Variants in DNAH17 observed in about 807,000 individuals in gnomAD.
DNAH17 encodes axonemal beta dynein heavy chain 17.
In DNAH17, 376 loss-of-function variants were observed where a neutral mutation model predicts 485.6. That is an observed-to-expected ratio of 0.77 (90% CI 0.71 to 0.84). DNAH17 has a LOEUF of 0.84. Among genes scored for constraint, DNAH17 ranks in the 40% least tolerant of loss-of-function variants. DNAH17 has a pLI of 0.00. For synonymous variants in DNAH17, 3,031 were observed against 2,405.9 expected (o/e 1.26, Z -7.60); for missense variants, 6,370 against 5,839.3 (o/e 1.09, Z -2.96).
intron 48 of DNAH17, among the ~76,000 whole-genome samples, chr17:78,482,681 C>T (rs977630297): frequency 1.3e-5 from 2 of 152,180 alleles, no homozygotes; most frequent in African/African-American, 2.4e-5. Flanking sequence ...ATCCTTCCCA[C>T]GGGCCCCACC....
At chr17:78,551,187 G>A (rs975522291) in intron 16 of DNAH17, among the ~76,000 whole-genome samples, 3 of 152,232 alleles carry the variant, frequency 2.0e-5, no homozygotes, top group Non-Finnish European at 4.4e-5. Context: ...TCCGGAAGGA[G>A]CTTGAGTTAG....
At position 78,500,401 on chromosome 17, in the gene DNAH17, G is replaced by A. The variant is rs189854529; in HGVS notation, c.5544C>T (p.Pro1848=). 89 of 1,610,728 alleles carry A rather than the reference G, an allele frequency of 5.5e-5. No homozygotes were observed. The African/African-American group carries it at 6.8e-4, about 12-fold the overall frequency. The change falls in exon 36 of 81, where the codon CCC becomes CCT. Residue 1848 remains proline, a synonymous_variant. Coordinates refer to ENST00000389840, the MANE Select transcript of DNAH17 (RefSeq NM_173628.4). ...HLIMGGAPAG[P]AGTGKTETTK... ...TCGTCTCAGTCTTGCCGGTCCCAGC[G>A]GGGCCGGCAGGGGCTCCACCCATGA... is the stretch of plus-strand genomic sequence containing the variant.
rs760263261 is a variant in DNAH17, at chr17:78,565,503, T to C, written c.1569+1111A>G. ...AGCAATCTCAGCCTTGAAATCCTCC[T>C]GAAAGATGACCACCAGCCCAGGCTG... On this transcript the variant is annotated intron_variant, in intron 11 of 80. Transcript: ENST00000389840. 2.4e-4 allele frequency among the ~76,000 whole-genome samples: 36 copies of C among 152,206 alleles called. 1 individual carries two copies. The highest frequency in any genetic ancestry group is 1.5e-4 in the Non-Finnish European group (10 of 68,032).
chr17:78,510,521 T>A lies in DNAH17; in HGVS notation c.4114-15A>T, dbSNP rs995581224. 11 of 1,613,380 alleles carry A rather than the reference T, an allele frequency of 6.8e-6. No homozygotes were observed. The highest frequency in any genetic ancestry group is 1.7e-5 in the Admixed American group (1 of 60,014). On this transcript the variant is annotated splice_polypyrimidine_tract_variant and intron_variant, in intron 26 of 80. Coordinates refer to ENST00000389840, the MANE Select transcript of DNAH17 (RefSeq NM_173628.4). ...TTAAATTTCACCTAAGGGAAAAAAA[T>A]CCAGGCAGGATTCATTTCAGGTCAT... is the stretch of plus-strand genomic sequence containing the variant.
At chr17:78,468,965 AG>A in intron 54 of DNAH17, 82 bp from the exon 55 acceptor site, 1 of 1,495,830 alleles carries the variant, frequency 6.7e-7, no homozygotes, top group African/African-American at 1.4e-5. Flanking sequence ...ACCAGAGCAC[AG>A]GGCCATTTTT....
intron 13 of DNAH17, among the ~76,000 whole-genome samples, chr17:78,558,854 A>G (rs990877584): frequency 1.5e-4 from 23 of 152,164 alleles, no homozygotes; most frequent in Non-Finnish European, 2.9e-4. Flanking sequence ...AGCTATTCTC[A>G]AAGTTGAGAT....
intron 19 of DNAH17, among the ~76,000 whole-genome samples, chr17:78,536,283 T>TG (rs1424329551): frequency 6.7e-6 from 1 of 148,512 alleles, no homozygotes; most frequent in African/African-American, 2.6e-5. Flanking sequence ...ACTAAAAATA[T>TG]ATAAAAAAAA....
intron 56 of DNAH17, among the ~76,000 whole-genome samples, chr17:78,464,007 G>T (rs918501350): frequency 2.6e-4 from 40 of 152,184 alleles, no homozygotes; most frequent in Non-Finnish European, 5.3e-4. Flanking sequence ...TCTCATAAAT[G>T]AATGCTCTAA....
rs143919215 is a variant in DNAH17 at position 78,458,082 on chromosome 17, G to A, written c.9977+483C>T. Among the ~76,000 whole-genome samples, 139 of 152,348 alleles carry A rather than the reference G, an allele frequency of 9.1e-4. 1 individual carries two copies. In the East Asian group the frequency reaches 0.025, roughly 28 times the overall value. On this transcript the variant is annotated intron_variant, in intron 62 of 80. Transcript: ENST00000389840. ...GCCTCCCAAACTGCTGGGATTACAG[G>A]CGTGAGCCACTGTGCCCAGCCAGCC...
In DNAH17 at chr17:78,466,676, C is replaced by T. The variant is rs2088475644; in HGVS notation, c.8919G>A (p.Leu2973=). Residue 2973 remains leucine, a synonymous_variant, in exon 56 of 81, where the codon CTG becomes CTA. Coordinates refer to ENST00000389840, the MANE Select transcript of DNAH17 (RefSeq NM_173628.4). ...TCACCGGAATCCCCTCAGTCTCCTC[C>T]AGGAAGCGGGCGCTGACGGACACCA... ...DALVSVSARF[L]EETEGIPWEV... is the part of the protein sequence containing the mutation. The T allele has an allele frequency of 1.9e-6, 3 of 1,611,322 alleles. No homozygotes were observed. In the African/African-American group the frequency reaches 4.0e-5, roughly 22 times the overall value.
rs116469589 is a variant in DNAH17 at position 78,490,942 on chromosome 17, C to A, written c.6670-95G>T. On this transcript the variant is annotated intron_variant, in intron 43 of 80. Transcript: ENST00000389840. ...GGGTTACTCGGAGCAAACCTCCGAG[C>A]AAGGAGGAGGGGCCCAGGCCAGCCC... is the stretch of plus-strand genomic sequence containing the variant. 2,880 of 1,416,186 alleles carry A rather than the reference C, an allele frequency of 2.0e-3. 52 individuals are homozygous for A. In the African/African-American group the frequency reaches 0.037, roughly 18 times the overall value. The allele number at this position is 1,416,186 out of a possible 1,614,324, so 87.7% of individuals were successfully genotyped here. A position where few individuals can be genotyped will look rare whatever the true frequency, so the allele number is the denominator to read the frequency against.
At chr17:78,486,203 C>G (rs377667373) in intron 45 of DNAH17, 21 bp downstream of exon 45, 1 of 1,586,734 alleles carries the variant, frequency 6.3e-7, no homozygotes, top group Non-Finnish European at 8.6e-7. Context: ...TGTGGGTGGC[C>G]GGGCCCCCCA....
At chr17:78,478,079 TCATCACCATCAC>T (rs1568117802) in intron 51 of DNAH17, among the ~76,000 whole-genome samples, 1 of 56,986 alleles carries the variant, frequency 1.8e-5, no homozygotes, top group African/African-American at 1.1e-4. Context: ...ACCACCACCA[TCATCACCATCAC>T]CACCACCATC....
rs1568170290 is a variant in DNAH17 at position 78,505,341 on chromosome 17, C to T, written c.4908G>A (p.Lys1636=). The T allele has an allele frequency of 1.2e-6, 2 of 1,613,966 alleles. No individual in the cohort carries two copies. The highest frequency in any genetic ancestry group is 1.6e-4 in the Middle Eastern group (1 of 6,062). The change falls in exon 31 of 81, where the codon AAG becomes AAA. Residue 1636 remains lysine (K), a synonymous_variant. Coordinates refer to ENST00000389840, the MANE Select transcript of DNAH17 (RefSeq NM_173628.4). ...PLKVGLGMYS[K]EDEYMVFDQE... ...GATCAAAAACCATGTACTCGTCCTCCTTGCTGTACATTCCCAGGCCCACCT... is the reference window on the plus strand; with the variant it reads ...GATCAAAAACCATGTACTCGTCCTCTTTGCTGTACATTCCCAGGCCCACCT...
In DNAH17 at chr17:78,426,434, C is replaced by G. The variant is rs753898482; in HGVS notation, c.12915+23G>C. 14 of 1,574,590 alleles carry G rather than the reference C, an allele frequency of 8.9e-6. 1 individual carries two copies. The South Asian group carries it at 1.5e-4, about 17-fold the overall frequency. On this transcript the variant is annotated intron_variant, in intron 79 of 80. Transcript: ENST00000389840. ...ACTCGGTCCCCGAGTCTTAGGAAGC[C>G]TCTCAGAGAAAACGGCACTTACCCT...
intron 27 of DNAH17, among the ~76,000 whole-genome samples, chr17:78,508,438 G>A (rs2090546859): frequency 6.6e-6 from 1 of 152,202 alleles, no homozygotes; most frequent in Non-Finnish European, 1.5e-5. Flanking sequence ...CAGTACTTAA[G>A]TGTTCAACTC....
In DNAH17 at chr17:78,507,744, C is replaced by A. The variant is rs771062667; in HGVS notation, c.4298G>T (p.Arg1433Leu). 1 of 1,601,432 alleles carries A rather than the reference C, an allele frequency of 6.2e-7. No individual in the cohort carries two copies. Among genetic ancestry groups the A allele is most frequent in the Non-Finnish European group, 8.5e-7 (1 of 1,178,526 alleles). ...GGACTTGAGCATCATGGTGCCTGTC[C>A]GCGGGTGCGGCTCGTGCTGGAATTC... ...MMEFQHEPHP[R>L]TGTMMLKSSE... The change falls in exon 28 of 81, where the codon CGG becomes CTG. Residue 1433 changes from arginine (R) to leucine (L), a missense_variant. Coordinates refer to ENST00000389840, the MANE Select transcript of DNAH17 (RefSeq NM_173628.4).
At chr17:78,451,055 G>A (rs2087527556) in intron 66 of DNAH17, among the ~76,000 whole-genome samples, 1 of 152,226 alleles carries the variant, frequency 6.6e-6, no homozygotes, top group African/African-American at 2.4e-5. Context: ...TCCTGTCACG[G>A]AGACTGTAGG....
intron 62 of DNAH17, among the ~76,000 whole-genome samples, chr17:78,456,656 C>T (rs548893880): frequency 1.3e-5 from 2 of 152,224 alleles, no homozygotes; most frequent in African/African-American, 2.4e-5. Context: ...AGGCACACCA[C>T]GGGTCTGAAA....
Sources: allele counts gnomAD v4.1 joint callset (sites outside exome capture counted in the v4.1 genomes callset), GRCh38; gene constraint gnomAD v4.1.1; transcripts MANE v1.5; gene names NCBI Gene and HGNC (gene_info 2026-07-23, HGNC 2026-07-21).